NCKAP5: variants seen among roughly 807,000 people sequenced by gnomAD.
The protein encoded by NCKAP5 is NCK associated protein 5, also known as nck-associated protein 5.
Under a neutral mutation model 167.0 loss-of-function variants are expected in NCKAP5, and 92 were observed. That is an observed-to-expected ratio of 0.55 (90% CI 0.47 to 0.66). NCKAP5 has a LOEUF of 0.66. NCKAP5 is among the 30% of genes least tolerant of loss of function. The pLI is 0.00. For synonymous variants in NCKAP5, 891 were observed against 877.4 expected, an observed-to-expected ratio of 1.02 and a Z score of -0.27; for missense variants, 2,378 against 2,315.0, an observed-to-expected ratio of 1.03 and a Z score of -0.56.
At chr2:132,963,016 T>C (rs2076563077) in intron 8 of NCKAP5, among the ~76,000 whole-genome samples, 1 of 146,144 alleles carries the variant, frequency 6.8e-6, no homozygotes. Context: ...AGTGAACTCA[T>C]AGAAAAAAAA....
At chr2:133,387,835 C>A (rs1358356186) in intron 3 of NCKAP5, among the ~76,000 whole-genome samples, 1 of 152,202 alleles carries the variant, frequency 6.6e-6, no homozygotes, top group East Asian at 1.9e-4. Context: ...TTGATCAAAT[C>A]GGCTACTGAA....
At chr2:132,934,650 C>G (rs951643460) in intron 8 of NCKAP5, among the ~76,000 whole-genome samples, 1 of 151,948 alleles carries the variant, frequency 6.6e-6, no homozygotes, top group African/African-American at 2.4e-5. Context: ...GAAAAAAAAC[C>G]TTTTAAATCA....
chr2:133,013,905 T>C (rs1207541228), intron 6 of NCKAP5, among the ~76,000 whole-genome samples: 1 of 152,206 alleles, frequency 6.6e-6, no homozygotes, highest in East Asian at 1.9e-4. Context: ...TCTTTTCAAC[T>C]GCTTTCTCTT....
intron 11 of NCKAP5, among the ~76,000 whole-genome samples, chr2:132,830,073 T>C (rs1687410946): frequency 6.6e-6 from 1 of 152,138 alleles, no homozygotes; most frequent in African/African-American, 2.4e-5. Context: ...TTACACAAAC[T>C]TATTCTGGGT....
At chr2:133,658,093 C>T in the NCKAP5 span, among the ~76,000 whole-genome samples, 2 of 151,202 alleles carry the variant, frequency 1.3e-5, no homozygotes, top group African/African-American at 4.9e-5. Context: ...CCACCCCAAC[C>T]ACCCCCAACG....
intron 4 of NCKAP5, among the ~76,000 whole-genome samples, chr2:133,278,136 A>G (rs904755737): frequency 6.6e-6 from 1 of 152,212 alleles, no homozygotes; most frequent in African/African-American, 2.4e-5. Flanking sequence ...AGTAAATTTG[A>G]CTATGTAAAA....
intron 4 of NCKAP5, among the ~76,000 whole-genome samples, chr2:133,292,670 T>C (rs1376756104): frequency 6.6e-6 from 1 of 152,170 alleles, no homozygotes; most frequent in Non-Finnish European, 1.5e-5. Context: ...TTTTGGTACT[T>C]TTGGAGTGTT....
chr2:133,647,057 AG>A, the NCKAP5 span, among the ~76,000 whole-genome samples: 1 of 152,140 alleles, frequency 6.6e-6, no homozygotes, highest in Non-Finnish European at 1.5e-5. Context: ...AGATAGCAAG[AG>A]AAGAAAAAAA....
the NCKAP5 span, among the ~76,000 whole-genome samples, chr2:133,631,053 T>C: frequency 8.5e-5 from 13 of 152,324 alleles, no homozygotes; most frequent in Non-Finnish European, 1.6e-4. Context: ...GATTAACAAC[T>C]ATAGATTTGA....
At chr2:133,110,329 T>G (rs1321993769) in intron 6 of NCKAP5, among the ~76,000 whole-genome samples, 4 of 152,084 alleles carry the variant, frequency 2.6e-5, no homozygotes, top group African/African-American at 9.7e-5. Flanking sequence ...AATAAAGTAT[T>G]TACAACTAGT....
chr2:133,390,479 T>C (rs534302778), intron 3 of NCKAP5, among the ~76,000 whole-genome samples: 11 of 152,348 alleles, frequency 7.2e-5, no homozygotes, highest in Non-Finnish European at 1.2e-4. Context: ...TCAGATCTAA[T>C]GCTTTCCTAG....
chr2:132,930,279 G>A (rs1364340097), intron 8 of NCKAP5: 1 of 152,164 alleles, frequency 6.6e-6, no homozygotes, highest in Non-Finnish European at 1.5e-5. Flanking sequence ...GTGATGATGT[G>A]ATAATTAATT....
In NCKAP5 at chr2:132,710,924, A is replaced by G. The variant is rs578036326; in HGVS notation, c.5713+14703T>C. Among the ~76,000 whole-genome samples the G allele has an allele frequency of 2.6e-5, 4 of 152,348 alleles. No homozygotes were observed. In the East Asian group the frequency reaches 7.7e-4, roughly 29 times the overall value. ...CTTTTTAACATTTGAGAAAGGTACTAGAAATATTGTTTCGCTTATGCTTTG... is the reference window on the plus strand; with the variant it reads ...CTTTTTAACATTTGAGAAAGGTACTGGAAATATTGTTTCGCTTATGCTTTG... On this transcript the variant is annotated intron_variant, in intron 19 of 19. Transcript: ENST00000409261.
chr2:133,021,227 G>A (rs2078515602), intron 6 of NCKAP5, among the ~76,000 whole-genome samples: 1 of 152,124 alleles, frequency 6.6e-6, no homozygotes, highest in African/African-American at 2.4e-5. Flanking sequence ...AGATTATATT[G>A]GAAAGAAGCA....
chr2:133,667,526 T>C, the NCKAP5 span, among the ~76,000 whole-genome samples: 4 of 152,022 alleles, frequency 2.6e-5, no homozygotes, highest in African/African-American at 9.7e-5. Context: ...GCTGATTCCC[T>C]ATCCTAACTA....
At chr2:133,455,635 T>A (rs917047271) in intron 3 of NCKAP5, among the ~76,000 whole-genome samples, 2 of 152,142 alleles carry the variant, frequency 1.3e-5, no homozygotes, top group Admixed American at 1.3e-4. Flanking sequence ...CATTTTCATA[T>A]CCAAATGCTC....
In NCKAP5 at chr2:132,673,235, A is replaced by C; in HGVS notation, c.*54T>G. 3.4e-6 allele frequency: 5 copies of C among 1,481,940 alleles called. No homozygotes were observed. In the South Asian group the frequency reaches 7.0e-5, roughly 21 times the overall value. The allele number at this position is 1,481,940 out of a possible 1,614,324, so 91.8% of individuals were successfully genotyped here. A position where few individuals can be genotyped will look rare whatever the true frequency, so the allele number is the denominator to read the frequency against. Reference sequence around the variant, plus strand: ...CACAGTATTGCTGTTAAATTTATTGAATGACTCTAGGGAAATTTTCGATAA... The same window carrying C: ...CACAGTATTGCTGTTAAATTTATTGCATGACTCTAGGGAAATTTTCGATAA... On this transcript the variant is annotated 3_prime_UTR_variant, in exon 20 of 20. Transcript: ENST00000409261.
At chr2:133,103,663 A>T (rs1047101405) in intron 6 of NCKAP5, among the ~76,000 whole-genome samples, 12 of 152,180 alleles carry the variant, frequency 7.9e-5, no homozygotes, top group Admixed American at 3.3e-4. Flanking sequence ...GTGGTACTCC[A>T]GCTACTTGGG....
chr2:133,518,343 G>GTTT (rs1684184045), intron 2 of NCKAP5, among the ~76,000 whole-genome samples: 1 of 66,224 alleles, frequency 1.5e-5, no homozygotes, highest in Non-Finnish European at 3.1e-5. Flanking sequence ...TACAGTAAAG[G>GTTT]ATTTTTTTTT....
Sources: gnomAD v4.1 joint callset for allele counts (sites outside exome capture counted in the v4.1 genomes callset) on GRCh38, gnomAD v4.1.1 for gene constraint, MANE v1.5 for transcripts, NCBI Gene and HGNC (gene_info 2026-07-23, HGNC 2026-07-21) for gene names.